Variants in ANTXR1 observed in about 807,000 individuals in gnomAD.
The protein encoded by ANTXR1 is ANTXR cell adhesion molecule 1.
In ANTXR1, 19 loss-of-function variants were observed where a neutral mutation model predicts 78.1. The ratio of observed to expected loss-of-function variants is 0.24; its 90% CI spans 0.17 to 0.36. The LOEUF (loss-of-function observed/expected upper bound fraction) is 0.36, where lower values mean the gene tolerates loss of function less well. Ranked by LOEUF, ANTXR1 falls within the 10% of genes least tolerant of loss-of-function variation. The pLI, the probability that ANTXR1 is intolerant of heterozygous loss-of-function variation, is 1.00. For synonymous variants in ANTXR1, 273 were observed against 260.5 expected, an observed-to-expected ratio of 1.05 and a Z score of -0.46; for missense variants, 518 against 718.6, an observed-to-expected ratio of 0.72 and a Z score of 3.19.
At chr2:69,203,921 G>T (rs567701646) in intron 17 of ANTXR1, among the ~76,000 whole-genome samples, 1 of 152,320 alleles carries the variant, frequency 6.6e-6, no homozygotes, top group Non-Finnish European at 1.5e-5. Context: ...GGCTGAACCA[G>T]ACAGGGATGG....
chr2:69,019,629 T>G (rs930504136), intron 1 of ANTXR1, among the ~76,000 whole-genome samples: 1 of 152,118 alleles, frequency 6.6e-6, no homozygotes, highest in South Asian at 2.1e-4. Context: ...AAAAAGAAAT[T>G]ACATAAGAAT....
chr2:69,180,661 C>G (rs2104461260), intron 14 of ANTXR1, among the ~76,000 whole-genome samples: 1 of 152,256 alleles, frequency 6.6e-6, no homozygotes, highest in Middle Eastern at 3.4e-3. Flanking sequence ...GGGCACCCAC[C>G]ACATACAACA....
intron 8 of ANTXR1, among the ~76,000 whole-genome samples, chr2:69,078,045 T>G (rs1453353678): frequency 6.6e-6 from 1 of 152,204 alleles, no homozygotes; most frequent in Admixed American, 6.5e-5. Flanking sequence ...AATCCCCAAA[T>G]ACATGGGCTC....
chr2:69,141,957 T>C (rs950088111), intron 12 of ANTXR1, among the ~76,000 whole-genome samples: 1 of 152,222 alleles, frequency 6.6e-6, no homozygotes, highest in African/African-American at 2.4e-5. Context: ...TTAAAAATAA[T>C]TTTACAAGTC....
chr2:69,033,434 G>C (rs1361071389), intron 1 of ANTXR1, among the ~76,000 whole-genome samples: 2 of 152,160 alleles, frequency 1.3e-5, no homozygotes, highest in African/African-American at 4.8e-5. Context: ...TACTTCCAAG[G>C]GTCTAATATG....
At chr2:69,213,337 C>T (rs1483276719) in intron 17 of ANTXR1, among the ~76,000 whole-genome samples, 1 of 152,164 alleles carries the variant, frequency 6.6e-6, no homozygotes, top group East Asian at 1.9e-4. Flanking sequence ...AGCCTATAAT[C>T]TCTTTGTCAG....
chr2:69,208,552 A>G (rs1215256162), intron 17 of ANTXR1, among the ~76,000 whole-genome samples: 2 of 152,264 alleles, frequency 1.3e-5, no homozygotes, highest in Non-Finnish European at 2.9e-5. Context: ...AATAAGATAT[A>G]TTAGTAAAGT....
chr2:69,195,776 A>G (rs1367535687), intron 17 of ANTXR1, among the ~76,000 whole-genome samples: 1 of 152,230 alleles, frequency 6.6e-6, no homozygotes, highest in Non-Finnish European at 1.5e-5. Context: ...AGAAAAAAAT[A>G]ATAATAAGAT....
At chr2:69,137,566 T>C (rs114073536) in intron 12 of ANTXR1, among the ~76,000 whole-genome samples, 3,360 of 152,048 alleles carry the variant, frequency 0.022, 124 homozygotes, top group African/African-American at 0.076. Context: ...TGAAAAGTCA[T>C]TGGGAGCCTG....
intron 2 of ANTXR1, among the ~76,000 whole-genome samples, chr2:69,042,515 C>A (rs893592761): frequency 6.6e-6 from 1 of 152,100 alleles, no homozygotes; most frequent in African/African-American, 2.4e-5. Context: ...TTGTATTTTT[C>A]TCTACCTTTC....
intron 1 of ANTXR1, among the ~76,000 whole-genome samples, 192 bp from the exon 2 acceptor site, chr2:69,039,852 A>G (rs1469360111): frequency 6.6e-6 from 1 of 152,132 alleles, no homozygotes; most frequent in Non-Finnish European, 1.5e-5. Context: ...GAGTTCTTTT[A>G]CAACATCTTA....
intron 17 of ANTXR1, among the ~76,000 whole-genome samples, chr2:69,197,421 A>T (rs1674691200): frequency 6.6e-6 from 1 of 152,150 alleles, no homozygotes; most frequent in Admixed American, 6.5e-5. Flanking sequence ...TACTTACCCC[A>T]GATTCCTTCA....
chr2:69,013,256 C>T lies in ANTXR1; in HGVS notation c.-244C>T. 1.6e-6 allele frequency: 1 copy of T among 631,192 alleles called. No individual in the cohort carries two copies. Among genetic ancestry groups the T allele is most frequent in the South Asian group, 1.9e-5 (1 of 51,532 alleles). The allele number at this position is 631,192 out of a possible 1,614,324, so 39.1% of individuals were successfully genotyped here. Reference sequence around the variant, plus strand: ...GGCCCCGGACCGAGGCAGCCCTCCCCTTTAAAAGAAGCGGAGGACAGGATT... The same window carrying T: ...GGCCCCGGACCGAGGCAGCCCTCCCTTTTAAAAGAAGCGGAGGACAGGATT... On this transcript the variant is annotated 5_prime_UTR_variant, in exon 1 of 18. Transcript: ENST00000303714. The surrounding 1 kb of genome is among the most constrained non-coding windows in gnomAD (Gnocchi z 5.0).
chr2:69,151,827 C>T (rs372866240), intron 12 of ANTXR1, among the ~76,000 whole-genome samples: 1 of 152,216 alleles, frequency 6.6e-6, no homozygotes, highest in East Asian at 1.9e-4. Context: ...AGTGAGGAGG[C>T]TGTCACCAGG....
chr2:69,073,193 G>T (rs1029903938), intron 6 of ANTXR1, 92 bp downstream of exon 6: 1 of 1,107,806 alleles, frequency 9.0e-7, no homozygotes. Context: ...CATGTGATAG[G>T]TGTTCTTTGC....
At chr2:69,066,428 T>C (rs970848767) in intron 3 of ANTXR1, among the ~76,000 whole-genome samples, 4 of 152,314 alleles carry the variant, frequency 2.6e-5, no homozygotes, top group Middle Eastern at 3.4e-3. Context: ...CCCTAGTAGA[T>C]GGGATTACAG....
intron 14 of ANTXR1, among the ~76,000 whole-genome samples, chr2:69,179,647 T>C (rs1157524893): frequency 6.6e-6 from 1 of 152,064 alleles, no homozygotes; most frequent in Non-Finnish European, 1.5e-5. Flanking sequence ...GACTGGCCAA[T>C]GCTGAGAAAC....
In ANTXR1 at chr2:69,181,858, G is replaced by A. The variant is rs199942219; in HGVS notation, c.1162G>A (p.Val388Ile). Residue 388 changes from valine (V) to isoleucine (I), a missense_variant, in exon 15 of 18, where the codon GTT (valine) becomes ATT (isoleucine). Val to Ile is a conservative substitution (Grantham distance 29, BLOSUM62 3). This residue lies in a region of ANTXR1 where 1 missense variants were observed against 17.1 expected (regional missense o/e 0.06). Transcript: ENST00000303714. Reference sequence around the variant, plus strand: ...CGCCTCTTATTATGGTGGGAGAGGCGTTGGAGGCATTAAAAGAATGGAGGT... The same window carrying A: ...CGCCTCTTATTATGGTGGGAGAGGCATTGGAGGCATTAAAAGAATGGAGGT... Reference protein sequence around the residue: ...VDASYYGGRGVGGIKRMEVRW... With the variant: ...VDASYYGGRGIGGIKRMEVRW... 2.7e-5 allele frequency: 44 copies of A among 1,614,096 alleles called. No individual in the cohort carries two copies. The East Asian group carries it at 2.9e-4, about 11-fold the overall frequency.
intron 12 of ANTXR1, among the ~76,000 whole-genome samples, chr2:69,150,369 C>G (rs2104427318): frequency 1.3e-5 from 2 of 152,194 alleles, no homozygotes; most frequent in East Asian, 3.9e-4. Flanking sequence ...AGGAGGGTCA[C>G]AGTGTCCATC....
Sources: gnomAD v4.1 joint callset for allele counts (sites outside exome capture counted in the v4.1 genomes callset) on GRCh38, gnomAD v4.1.1 for gene constraint, gnomAD v4.1.1 regional missense constraint, Gnocchi (gnomAD v3.1) non-coding constraint, MANE v1.5 for transcripts, NCBI Gene and HGNC (gene_info 2026-07-23, HGNC 2026-07-21) for gene names.